Variants in CRACR2A observed in about 807,000 individuals in gnomAD.
The protein encoded by CRACR2A is calcium release activated channel regulator 2A.
Under a neutral mutation model 90.5 loss-of-function variants are expected in CRACR2A, and 79 were observed. That is an observed-to-expected ratio of 0.87 (90% CI 0.73 to 1.05). The LOEUF (loss-of-function observed/expected upper bound fraction) is 1.05, where lower values mean the gene tolerates loss of function less well. Among genes scored for constraint, CRACR2A ranks in the 50% least tolerant of loss-of-function variants. The pLI, the probability that CRACR2A is intolerant of heterozygous loss-of-function variation, is 0.00. For synonymous variants in CRACR2A, 338 were observed against 356.7 expected (o/e 0.95, Z 0.59); for missense variants, 823 against 897.2 (o/e 0.92, Z 1.06).
intron 2 of CRACR2A, chr12:3,726,754 C>T (rs181807023): frequency 6.6e-6 from 1 of 150,592 alleles, no homozygotes. Context: ...AGGATAGTGA[C>T]AAAGTGTCAC....
In CRACR2A at chr12:3,638,263, T is replaced by C; in HGVS notation, c.1463A>G (p.Glu488Gly). The C allele has an allele frequency of 6.4e-7, 1 of 1,551,660 alleles. No individual in the cohort carries two copies. The highest frequency in any genetic ancestry group is 1.2e-5 in the South Asian group (1 of 84,064). The change falls in exon 14 of 20, where the codon GAG (glutamate) becomes GGG (glycine). Residue 488 changes from glutamate to glycine, a missense_variant. Glu to Gly is a moderately conservative substitution (Grantham distance 98). Transcript: ENST00000440314. ...PLPQLLDGGF[E>G]QPLSKCSEEE... ...TTCTGAGCATTTGCTCAGGGGTTGC[T>C]CAAAGCCACCATCCAGGAGCTGGGG... is the stretch of plus-strand genomic sequence containing the variant.
intron 2 of CRACR2A, chr12:3,730,948 C>G (rs1946351175): frequency 6.6e-6 from 1 of 152,150 alleles, no homozygotes; most frequent in South Asian, 2.1e-4. Flanking sequence ...AAAAATAATA[C>G]AAAAACACTG....
chr12:3,626,681 A>AGCC (rs1165691843), intron 17 of CRACR2A, among the ~76,000 whole-genome samples: 1 of 152,216 alleles, frequency 6.6e-6, no homozygotes, highest in Non-Finnish European at 1.5e-5. Flanking sequence ...TGAAGGAATC[A>AGCC]GCCGAGGCCT....
At chr12:3,617,276 C>T (rs527294868) in intron 18 of CRACR2A, among the ~76,000 whole-genome samples, 41 of 151,776 alleles carry the variant, frequency 2.7e-4, no homozygotes, top group African/African-American at 8.0e-4. Context: ...TGAAACCATA[C>T]GCTGTCTTAG....
rs375548975 is a variant in CRACR2A at position 3,700,621 on chromosome 12, G to A, written c.-36-3586C>T. ...GAAGGATATTAGCGGGAATTAAAAA[G>A]TCATTTCGTATTGATAAAAGGTCAA... is the stretch of plus-strand genomic sequence containing the variant. On this transcript the variant is annotated intron_variant, in intron 3 of 19. Transcript: ENST00000440314. Among the ~76,000 whole-genome samples the A allele has an allele frequency of 1.3e-4, 20 of 152,298 alleles. No individual in the cohort carries two copies. In the East Asian group the frequency reaches 3.9e-3, roughly 29 times the overall value.
intron 2 of CRACR2A, among the ~76,000 whole-genome samples, chr12:3,725,134 T>C (rs28626226): frequency 2.0e-5 from 3 of 152,290 alleles, no homozygotes; most frequent in African/African-American, 4.8e-5. Flanking sequence ...TGCTTCCATA[T>C]GAGAAAGGCT....
At chr12:3,688,142 T>G (rs1034725794) in intron 4 of CRACR2A, among the ~76,000 whole-genome samples, 2 of 152,250 alleles carry the variant, frequency 1.3e-5, no homozygotes, top group South Asian at 4.1e-4. Flanking sequence ...GTAGGTTGTC[T>G]GTTTACTCTG....
At chr12:3,616,928 T>C (rs1231682399) in intron 19 of CRACR2A, 26 bp downstream of exon 19, 2 of 1,532,320 alleles carry the variant, frequency 1.3e-6, no homozygotes, top group Non-Finnish European at 1.8e-6. Context: ...CAGCAGTTAC[T>C]GCACCTGGGG....
chr12:3,749,716 G>C (rs1946677120), intron 1 of CRACR2A, among the ~76,000 whole-genome samples: 1 of 152,000 alleles, frequency 6.6e-6, no homozygotes, highest in South Asian at 2.1e-4. Context: ...GAAGCGATTT[G>C]AAAAGGCAAA....
At chr12:3,681,133 G>A (rs1008599077) in intron 4 of CRACR2A, among the ~76,000 whole-genome samples, 3 of 152,216 alleles carry the variant, frequency 2.0e-5, no homozygotes, top group Non-Finnish European at 4.4e-5. Flanking sequence ...ATTTGTAAGT[G>A]TCTGTGGACA....
Position 3,638,320 on chromosome 12 carries a change from C to T in CRACR2A, c.1406G>A (p.Arg469His), listed in dbSNP as rs373216321. ...GTCTTCTTCAACGGAGATGATTCTG[C>T]GGAGCGGCCGGGGGTACGGACCCCC... ...GPGGPYPRPLRRIISVEEDPL... is the reference protein window; with the variant it reads ...GPGGPYPRPLHRIISVEEDPL... Residue 469 changes from arginine to histidine, a missense_variant, in exon 14 of 20, where the codon CGC becomes CAC. Physicochemically the swap from Arg to His is conservative, Grantham distance 29. Transcript: ENST00000440314. The T allele has an allele frequency of 7.3e-5, 114 of 1,551,186 alleles. No individual in the cohort carries two copies. The highest frequency in any genetic ancestry group is 5.1e-4 in the African/African-American group (37 of 73,110).
At chr12:3,724,142 C>A (rs182245026) in intron 2 of CRACR2A, among the ~76,000 whole-genome samples, 1 of 152,128 alleles carries the variant, frequency 6.6e-6, no homozygotes, top group African/African-American at 2.4e-5. Context: ...TCTTGTCAGG[C>A]GGCGTTTAAT....
intron 3 of CRACR2A, among the ~76,000 whole-genome samples, chr12:3,713,026 G>A (rs982661726): frequency 6.6e-5 from 10 of 151,852 alleles, no homozygotes; most frequent in Admixed American, 5.2e-4. Context: ...ACTCCAACAA[G>A]GTGGAATAGA....
intron 2 of CRACR2A, among the ~76,000 whole-genome samples, chr12:3,723,630 C>T (rs565494367): frequency 2.0e-5 from 3 of 152,186 alleles, no homozygotes; most frequent in Non-Finnish European, 2.9e-5. Flanking sequence ...CCATCCTGCT[C>T]CCTAACCTCA....
At position 3,721,233 on chromosome 12, in the gene CRACR2A, C is replaced by T. The variant is rs539619806; in HGVS notation, c.-117-7916G>A. Among the ~76,000 whole-genome samples, 149 of 151,848 alleles carry T rather than the reference C, an allele frequency of 9.8e-4. 1 individual carries two copies. Among genetic ancestry groups the T allele is most frequent in the Admixed American group, 1.4e-3 (21 of 15,224 alleles). On this transcript the variant is annotated intron_variant, in intron 2 of 19. Coordinates refer to ENST00000440314, the MANE Select transcript of CRACR2A (RefSeq NM_001144958.2). ...CTAGTAAAAGATGCTGTGTTAGGAA[C>T]GGGGTAAAAAGCAAGTGAGGCCAGC...
chr12:3,663,781 T>G (rs1268759075), intron 7 of CRACR2A, among the ~76,000 whole-genome samples: 1 of 152,218 alleles, frequency 6.6e-6, no homozygotes, highest in African/African-American at 2.4e-5. Context: ...CATTAACTTT[T>G]CTTGGCAGCC....
chr12:3,752,270 G>A (rs959340392), intron 1 of CRACR2A, among the ~76,000 whole-genome samples: 19 of 152,118 alleles, frequency 1.2e-4, no homozygotes, highest in Non-Finnish European at 1.2e-4. Flanking sequence ...GCTTTCCCAC[G>A]TGGCAGGGTA....
At chr12:3,732,275 A>G (rs926035308) in intron 2 of CRACR2A, 1 of 152,216 alleles carries the variant, frequency 6.6e-6, no homozygotes, top group African/African-American at 2.4e-5. Context: ...AAAATATTCC[A>G]TTACTACCCT....
chr12:3,633,481 C>T lies in CRACR2A; in HGVS notation c.1735+123G>A. The T allele has an allele frequency of 7.7e-7, 1 of 1,299,790 alleles. No homozygotes were observed. The highest frequency in any genetic ancestry group is 1.1e-6 in the Non-Finnish European group (1 of 946,970). 80.5% of individuals were successfully genotyped at this position (1,299,790 alleles called of 1,614,324 possible). A position where few individuals can be genotyped will look rare whatever the true frequency, so the allele number is the denominator to read the frequency against. On this transcript the variant is annotated intron_variant, in intron 15 of 19. Transcript: ENST00000440314. The surrounding 1 kb of genome is among the most constrained non-coding windows in gnomAD (Gnocchi z 4.5). ...TGTTGAACAGAGCAGACACCAGTAT[C>T]CCTACTGGCCAATCCCCATGGCCCT...
Sources: gnomAD v4.1 joint callset for allele counts (sites outside exome capture counted in the v4.1 genomes callset) on GRCh38, gnomAD v4.1.1 for gene constraint, Gnocchi (gnomAD v3.1) non-coding constraint, MANE v1.5 for transcripts, NCBI Gene and HGNC (gene_info 2026-07-23, HGNC 2026-07-21) for gene names.